The following ATP10B variants were observed in gnomAD, a reference collection of about 807,000 sequenced individuals.
The protein encoded by ATP10B is phospholipid-transporting ATPase VB.
ATP10B carries 122 observed loss-of-function variants against 141.2 expected under a neutral mutation model. The ratio of observed to expected loss-of-function variants is 0.86; its 90% CI spans 0.75 to 1.00. ATP10B has a LOEUF of 1.00. Among genes scored for constraint, ATP10B ranks in the 50% least tolerant of loss-of-function variants. ATP10B has a pLI of 0.00. For synonymous variants in ATP10B, 685 were observed against 692.0 expected (o/e 0.99, Z 0.16); for missense variants, 1,876 against 1,825.3 (o/e 1.03, Z -0.51).
intron 2 of ATP10B, among the ~76,000 whole-genome samples, chr5:160,729,275 GAGCATAGCACTAATGCTTATTGCT>G (rs1330676084): frequency 1.1e-4 from 16 of 152,178 alleles, no homozygotes; most frequent in African/African-American, 3.6e-4. Context: ...TGGTTCATCA[GAGCATAGCACTAATGCTTATTGCT>G]AGCACATATC....
At chr5:160,840,571 T>A (rs1252564302) in intron 1 of ATP10B, among the ~76,000 whole-genome samples, 1 of 152,112 alleles carries the variant, frequency 6.6e-6, no homozygotes, top group Non-Finnish European at 1.5e-5. Flanking sequence ...ATCAGAATTC[T>A]AAATGTAAAA....
rs138692559 is a variant in ATP10B, at chr5:160,691,292, A to G, written c.-204-2349T>C. On this transcript the variant is annotated intron_variant, in intron 3 of 25. Transcript: ENST00000327245. ...GATGGGTGCAGAAAACTACCATGGC[A>G]CAGGTATACTTATGTACACAAACCT... is the stretch of plus-strand genomic sequence containing the variant. 2.2e-3 allele frequency among the ~76,000 whole-genome samples: 336 copies of G among 152,270 alleles called. 1 individual carries two copies. Among genetic ancestry groups the G allele is most frequent in the African/African-American group, 7.9e-3 (327 of 41,564 alleles).
intron 16 of ATP10B, among the ~76,000 whole-genome samples, chr5:160,616,709 A>G (rs1420185979): frequency 6.6e-6 from 1 of 152,220 alleles, no homozygotes; most frequent in Non-Finnish European, 1.5e-5. Flanking sequence ...TCAAGCATCA[A>G]ATATTCCCTG....
intron 2 of ATP10B, among the ~76,000 whole-genome samples, chr5:160,720,862 G>T (rs771292267): frequency 6.6e-6 from 1 of 152,132 alleles, no homozygotes; most frequent in Non-Finnish European, 1.5e-5. Context: ...TGCTTACAAA[G>T]GTTTGCAATA....
At chr5:160,602,143 G>T (rs969387756) in intron 21 of ATP10B, among the ~76,000 whole-genome samples, 1 of 152,132 alleles carries the variant, frequency 6.6e-6, no homozygotes, top group Non-Finnish European at 1.5e-5. Flanking sequence ...CTTTATAAAC[G>T]ATTACGATAC....
the ATP10B span, among the ~76,000 whole-genome samples, chr5:160,880,481 A>C: frequency 6.6e-6 from 1 of 152,106 alleles, no homozygotes; most frequent in Non-Finnish European, 1.5e-5. Flanking sequence ...AGAATAGACA[A>C]CAGAATATGG....
At chr5:160,652,201 C>T (rs894780511) in intron 7 of ATP10B, among the ~76,000 whole-genome samples, 3 of 152,054 alleles carry the variant, frequency 2.0e-5, no homozygotes, top group African/African-American at 7.2e-5. Context: ...CCATCTTCCT[C>T]TTTTCATGAA....
chr5:160,807,382 T>G (rs1772853351), intron 1 of ATP10B, among the ~76,000 whole-genome samples: 1 of 152,110 alleles, frequency 6.6e-6, no homozygotes, highest in South Asian at 2.1e-4. Context: ...ACTTTTTAAG[T>G]TAGAGCTGAG....
chr5:160,894,585 A>C, the ATP10B span, among the ~76,000 whole-genome samples: 1 of 152,192 alleles, frequency 6.6e-6, no homozygotes, highest in South Asian at 2.1e-4. Context: ...TGATTGGTGC[A>C]CCTGAAAGTG....
chr5:160,685,487 C>T, intron 6 of ATP10B: 1 of 305,990 alleles, frequency 3.3e-6, no homozygotes, highest in Non-Finnish European at 5.9e-6. Context: ...CCCTGGGCAG[C>T]CAAGAACAGG....
intron 24 of ATP10B, among the ~76,000 whole-genome samples, chr5:160,584,077 G>A (rs780004727): frequency 6.6e-6 from 1 of 151,332 alleles, no homozygotes; most frequent in Non-Finnish European, 1.5e-5. Context: ...ACTGGGGTAT[G>A]GAAAAAAAAA....
intron 13 of ATP10B, among the ~76,000 whole-genome samples, chr5:160,628,257 C>T (rs1758711853): frequency 6.6e-6 from 1 of 152,234 alleles, no homozygotes; most frequent in African/African-American, 2.4e-5. Context: ...TGTCAGTTCC[C>T]ACCTCTTGTG....
chr5:160,599,850 G>A (rs1040224346), intron 21 of ATP10B, among the ~76,000 whole-genome samples: 1 of 152,146 alleles, frequency 6.6e-6, no homozygotes, highest in African/African-American at 2.4e-5. Context: ...AGCTGGTCCT[G>A]GAGTTAGAAC....
At chr5:160,732,479 A>G (rs1467148417) in intron 2 of ATP10B, among the ~76,000 whole-genome samples, 1 of 152,202 alleles carries the variant, frequency 6.6e-6, no homozygotes, top group African/African-American at 2.4e-5. Flanking sequence ...TTTTTTGAAT[A>G]TGGTGAGAGA....
chr5:160,826,456 C>T (rs571759820), intron 1 of ATP10B, among the ~76,000 whole-genome samples: 7 of 152,242 alleles, frequency 4.6e-5, no homozygotes, highest in East Asian at 3.9e-4. Flanking sequence ...CTTTTATCTT[C>T]GTAAGCTGAG....
chr5:160,704,215 C>T (rs552231912), intron 3 of ATP10B, among the ~76,000 whole-genome samples: 1 of 151,358 alleles, frequency 6.6e-6, no homozygotes, highest in South Asian at 2.1e-4. Flanking sequence ...CCATGCGTGG[C>T]TATTTTTTTT....
chr5:160,762,207 G>T (rs980651285), intron 2 of ATP10B, among the ~76,000 whole-genome samples: 1 of 152,174 alleles, frequency 6.6e-6, no homozygotes, highest in African/African-American at 2.4e-5. Context: ...AATACAAGAA[G>T]CTCAATGAAC....
chr5:160,662,594 T>A (rs1246153341), intron 7 of ATP10B, among the ~76,000 whole-genome samples: 1 of 152,238 alleles, frequency 6.6e-6, no homozygotes, highest in South Asian at 2.1e-4. Flanking sequence ...GCTAGCCATA[T>A]GTAGAAAGCT....
chr5:160,631,499 G>T (rs888655849), intron 13 of ATP10B, among the ~76,000 whole-genome samples: 2 of 152,220 alleles, frequency 1.3e-5, no homozygotes, highest in African/African-American at 4.8e-5. Context: ...TTAGTTAAGG[G>T]AATGAAATGG....
Sources: gnomAD v4.1 joint callset for allele counts (sites outside exome capture counted in the v4.1 genomes callset) on GRCh38, gnomAD v4.1.1 for gene constraint, MANE v1.5 for transcripts, NCBI Gene and HGNC (gene_info 2026-07-23, HGNC 2026-07-21) for gene names.